Variants in CBFA2T3 observed in about 807,000 individuals in gnomAD.
The protein encoded by CBFA2T3 is CBFA2/RUNX1 partner transcriptional co-repressor 3.
Under a neutral mutation model 58.6 loss-of-function variants are expected in CBFA2T3, and 31 were observed. The ratio of observed to expected loss-of-function variants is 0.53; its 90% CI spans 0.40 to 0.71. The LOEUF (loss-of-function observed/expected upper bound fraction) is 0.71. Among genes scored for constraint, CBFA2T3 ranks in the 30% least tolerant of loss-of-function variants. The pLI, the probability that CBFA2T3 is intolerant of heterozygous loss-of-function variation, is 0.00. For synonymous variants in CBFA2T3, 531 were observed against 421.9 expected (o/e 1.26, Z -3.17); for missense variants, 1,076 against 963.1 (o/e 1.12, Z -1.55).
chr16:88,908,779 T>C (rs1293009422), intron 1 of CBFA2T3, among the ~76,000 whole-genome samples: 3 of 152,256 alleles, frequency 2.0e-5, no homozygotes, highest in Non-Finnish European at 2.9e-5. Flanking sequence ...CCTTGGGGCA[T>C]AGGACGCTGG....
chr16:88,937,304 C>T (rs1422200794), intron 1 of CBFA2T3: 2 of 152,344 alleles, frequency 1.3e-5, no homozygotes, highest in Middle Eastern at 6.3e-3. Flanking sequence ...TCCACCCAAC[C>T]TGGCCCTGAC....
intron 1 of CBFA2T3, among the ~76,000 whole-genome samples, chr16:88,911,259 G>T (rs572046074): frequency 6.6e-6 from 1 of 152,214 alleles, no homozygotes; most frequent in African/African-American, 2.4e-5. Flanking sequence ...GACGATGGAC[G>T]GCACGGGGTT....
intron 1 of CBFA2T3, among the ~76,000 whole-genome samples, chr16:88,946,398 A>C (rs1037017792): frequency 6.6e-6 from 1 of 152,234 alleles, no homozygotes; most frequent in Non-Finnish European, 1.5e-5. Flanking sequence ...AGCATTCAGG[A>C]AAATGTAAAA....
At chr16:88,930,991 A>G (rs1971281966) in intron 1 of CBFA2T3, among the ~76,000 whole-genome samples, 1 of 151,966 alleles carries the variant, frequency 6.6e-6, no homozygotes, top group South Asian at 2.1e-4. Flanking sequence ...TAACTCCACG[A>G]TGCTTAAAAT....
At chr16:88,934,859 C>A (rs1276108765) in intron 1 of CBFA2T3, among the ~76,000 whole-genome samples, 1 of 152,240 alleles carries the variant, frequency 6.6e-6, no homozygotes, top group African/African-American at 2.4e-5. Context: ...CCTGCCTCAG[C>A]CTCCCCAGTA....
Position 88,876,701 on chromosome 16 carries a change from G to C in CBFA2T3, c.*275C>G, listed in dbSNP as rs1165495015. On this transcript the variant is annotated 3_prime_UTR_variant, in exon 12 of 12. Coordinates refer to ENST00000268679, the MANE Select transcript of CBFA2T3 (RefSeq NM_005187.6). Reference sequence around the variant, plus strand: ...GCTCTGCTGTCTAAAGCTCAGTCGAGGCTTCTGAGGATGCTTGAAGAGACG... The same window carrying C: ...GCTCTGCTGTCTAAAGCTCAGTCGACGCTTCTGAGGATGCTTGAAGAGACG... 4.8e-6 allele frequency: 2 copies of C among 419,326 alleles called. No individual in the cohort carries two copies. Among genetic ancestry groups the C allele is most frequent in the African/African-American group, 4.1e-5 (2 of 48,480 alleles). The allele number at this position is 419,326 out of a possible 1,614,324, so 26.0% of individuals were successfully genotyped here. A position where few individuals can be genotyped will look rare whatever the true frequency, so the allele number is the denominator to read the frequency against.
At position 88,892,478 on chromosome 16, in the gene CBFA2T3, G is replaced by A. The variant is rs774804644; in HGVS notation, c.387C>T (p.Asn129=). ...TGGCTGTTGGTGAGTGGCTGCTGCC[G>A]TTCATCACTGCAGGAGGGAAGCGGA... ...LKWSMVCLLM[N]GSSHSPTAIN... The change falls in exon 4 of 12, where the codon AAC becomes AAT. Residue 129 remains asparagine, a synonymous_variant. Transcript: ENST00000268679. 3.3e-5 allele frequency: 54 copies of A among 1,612,202 alleles called. 1 individual carries two copies. In the Middle Eastern group the frequency reaches 4.9e-4, roughly 15 times the overall value.
At chr16:88,917,545 A>G (rs926958650) in intron 1 of CBFA2T3, among the ~76,000 whole-genome samples, 3 of 152,164 alleles carry the variant, frequency 2.0e-5, no homozygotes, top group Non-Finnish European at 4.4e-5. Context: ...GGGAGGCTAC[A>G]CCGGTTCCCA....
At chr16:88,969,363 C>T (rs1052919286) in intron 1 of CBFA2T3, among the ~76,000 whole-genome samples, 1 of 152,224 alleles carries the variant, frequency 6.6e-6, no homozygotes, top group African/African-American at 2.4e-5. Flanking sequence ...GGCTCCCTCC[C>T]GGCTGGTGCC....
chr16:88,976,613 C>T (rs771257522), intron 1 of CBFA2T3, 44 bp downstream of exon 1: 21 of 1,447,492 alleles, frequency 1.5e-5, no homozygotes, highest in African/African-American at 7.1e-5. Flanking sequence ...CACCGGCTGC[C>T]GCTCTCTGCC....
chr16:88,898,221 C>A (rs1969962302), intron 2 of CBFA2T3, 69 bp from the exon 3 acceptor site: 4 of 1,182,018 alleles, frequency 3.4e-6, no homozygotes, highest in African/African-American at 3.0e-5. Flanking sequence ...CTCAGGGGCG[C>A]CCGCGGCCAC....
intron 1 of CBFA2T3, among the ~76,000 whole-genome samples, chr16:88,949,570 A>C (rs1971993559): frequency 6.6e-6 from 1 of 151,922 alleles, no homozygotes. Context: ...AAAAAAAAAA[A>C]AAAGAAAAAG....
At chr16:88,889,196 G>A (rs1191385823) in intron 5 of CBFA2T3, among the ~76,000 whole-genome samples, 3 of 151,598 alleles carry the variant, frequency 2.0e-5, no homozygotes, top group East Asian at 1.9e-4. Context: ...GACGCCAGAT[G>A]GGCCCAGGCT....
chr16:88,877,526 C>T (rs560374831), intron 11 of CBFA2T3, among the ~76,000 whole-genome samples: 9 of 152,312 alleles, frequency 5.9e-5, no homozygotes, highest in Admixed American at 6.5e-5. Context: ...AACTGGACAA[C>T]GACCCCTGCC....
In CBFA2T3 at chr16:88,882,812, C is replaced by T. The variant is rs775628054; in HGVS notation, c.1118-51G>A. On this transcript the variant is annotated intron_variant, in intron 7 of 11. Coordinates refer to ENST00000268679, the MANE Select transcript of CBFA2T3 (RefSeq NM_005187.6). ...AGGTCCCACCCACAGCCAGTCTCTG[C>T]CCTATTCTCCCAGACCCCGCCCTCT... The T allele has an allele frequency of 4.6e-5, 57 of 1,247,342 alleles. No individual in the cohort carries two copies. In the African/African-American group the frequency reaches 5.8e-4, roughly 13 times the overall value. 77.3% of individuals were successfully genotyped at this position (1,247,342 alleles called of 1,614,324 possible). A position where few individuals can be genotyped will look rare whatever the true frequency, so the allele number is the denominator to read the frequency against.
In CBFA2T3 at chr16:88,976,663, C is replaced by A; in HGVS notation, c.145G>T (p.Gly49Cys). 1 of 1,561,262 alleles carries A rather than the reference C, an allele frequency of 6.4e-7. No homozygotes were observed. ...TTCCCCTCGAGCCTCTTACCTGGGC[C>A]GCCCTTCCTGGGACCCCGGGGTGCG... ...CSAPRGPRKG[G>C]PAPVDRKAKA... Residue 49 changes from glycine (G) to cysteine (C), a missense_variant, in exon 1 of 12, where the codon GGC becomes TGC. Physicochemically the swap from Gly to Cys is radical, Grantham distance 159. Coordinates refer to ENST00000268679, the MANE Select transcript of CBFA2T3 (RefSeq NM_005187.6).
chr16:88,883,336 C>T (rs1487535867), intron 7 of CBFA2T3: 1 of 155,968 alleles, frequency 6.4e-6, no homozygotes, highest in African/African-American at 2.4e-5. Flanking sequence ...ACGCCAAACA[C>T]CACCCAACCA....
At chr16:88,950,213 C>T (rs199716648) in intron 1 of CBFA2T3, 6,316 of 443,788 alleles carry the variant, frequency 0.014, 289 homozygotes, top group Non-Finnish European at 0.023. Flanking sequence ...TCCCCTGGAC[C>T]GGCACCGCCA....
At chr16:88,901,726 C>G (rs561796033) in intron 1 of CBFA2T3, 70 bp from the exon 2 acceptor site, 1 of 1,382,964 alleles carries the variant, frequency 7.2e-7, no homozygotes, top group Non-Finnish European at 9.5e-7. Flanking sequence ...CGCAGCCCCA[C>G]GGTTCCCAGC....
Sources: allele counts gnomAD v4.1 joint callset (sites outside exome capture counted in the v4.1 genomes callset), GRCh38; gene constraint gnomAD v4.1.1; transcripts MANE v1.5; gene names NCBI Gene and HGNC (gene_info 2026-07-23, HGNC 2026-07-21).